Variants in GLP2R observed in about 807,000 individuals in gnomAD.
GLP2R encodes glucagon-like peptide 2 receptor.
Under a neutral mutation model 68.2 loss-of-function variants are expected in GLP2R, and 59 were observed. That is an observed-to-expected ratio of 0.87 (90% CI 0.70 to 1.07). The LOEUF is 1.07. Among genes scored for constraint, GLP2R ranks in the 50% least tolerant of loss-of-function variants. GLP2R has a pLI of 0.00. For synonymous variants in GLP2R, 270 were observed against 265.4 expected (o/e 1.02, Z -0.17); for missense variants, 548 against 677.4 (o/e 0.81, Z 2.12).
At chr17:9,839,395 C>T (rs1353156393) in intron 3 of GLP2R, among the ~76,000 whole-genome samples, 2 of 151,998 alleles carry the variant, frequency 1.3e-5, no homozygotes, top group East Asian at 3.9e-4. Flanking sequence ...ACAAACTCCT[C>T]TTCCTTCTCC....
At chr17:9,842,434 C>A in intron 3 of GLP2R, 61 bp from the exon 4 acceptor site, 1 of 1,608,508 alleles carries the variant, frequency 6.2e-7, no homozygotes, top group Non-Finnish European at 8.5e-7. Flanking sequence ...AGCTCTGTGG[C>A]ATGCTCAGGG....
At position 9,860,085 on chromosome 17, in the gene GLP2R, C is replaced by T. The variant is rs1398084794; in HGVS notation, c.909C>T (p.Tyr303=). 1.2e-6 allele frequency: 2 copies of T among 1,607,278 alleles called. No homozygotes were observed. The highest frequency in any genetic ancestry group is 3.4e-5 in the Admixed American group (2 of 58,904). Residue 303 remains tyrosine, a synonymous_variant, in exon 7 of 13, where the codon TAC becomes TAT. Coordinates refer to ENST00000262441, the MANE Select transcript of GLP2R (RefSeq NM_004246.3). ...CTGAGAGGCGGCTGTGGCCCAGATA[C>T]CTGCTGTTGGGTTGGGGTGAGTGAC... ...VLPERRLWPR[Y]LLLGWAFPVL... is the part of the protein sequence containing the mutation.
intron 3 of GLP2R, among the ~76,000 whole-genome samples, chr17:9,840,661 G>A (rs951179895): frequency 6.6e-6 from 1 of 152,228 alleles, no homozygotes; most frequent in African/African-American, 2.4e-5. Context: ...ATGGGGAAGG[G>A]AAGGGATGGG....
At position 9,889,841 on chromosome 17, in the gene GLP2R, T is replaced by C. The variant is rs1298303212; in HGVS notation, c.*136T>C. The C allele has an allele frequency of 1.6e-5, 10 of 633,030 alleles. No homozygotes were observed. Among genetic ancestry groups the C allele is most frequent in the Non-Finnish European group, 2.8e-5 (10 of 361,782 alleles). 39.2% of individuals were successfully genotyped at this position (633,030 alleles called of 1,614,324 possible). The stretch of plus-strand genomic sequence containing the variant: ...CACCATGCCACTTTGATATGAAAGC[T>C]ATCACAAGGTTCTTCAAGCTCTGTA... On this transcript the variant is annotated 3_prime_UTR_variant, in exon 13 of 13. Transcript: ENST00000262441.
rs1416925480 is a variant in GLP2R, at chr17:9,842,489, T to A, written c.383-6T>A. On this transcript the variant is annotated splice_region_variant and splice_polypyrimidine_tract_variant and intron_variant, in intron 3 of 12. Transcript: ENST00000262441. ...ACCTTTCCTCCAGAGCTTTGTTTACTTTCAGAGAGCTCAGGAAGGGCCTAC... is the reference window on the plus strand; with the variant it reads ...ACCTTTCCTCCAGAGCTTTGTTTACATTCAGAGAGCTCAGGAAGGGCCTAC... The A allele has an allele frequency of 6.2e-7, 1 of 1,614,130 alleles. No individual in the cohort carries two copies. The highest frequency in any genetic ancestry group is 1.3e-5 in the African/African-American group (1 of 75,050).
Position 9,880,464 on chromosome 17 carries a change from G to C in GLP2R, c.1232G>C (p.Gly411Ala), listed in dbSNP as rs747014461. The C allele has an allele frequency of 5.6e-6, 9 of 1,605,078 alleles. No individual in the cohort carries two copies. The highest frequency in any genetic ancestry group is 6.8e-6 in the Non-Finnish European group (8 of 1,173,720). Reference protein sequence around the residue: ...FSFITDDQVEGFAKLIRLFIQ... With the variant: ...FSFITDDQVEAFAKLIRLFIQ... ...TTCATCACTGATGATCAAGTTGAAG[G>C]ATTTGCAAAACTTATACGACTTTTC... is the stretch of plus-strand genomic sequence containing the variant. The change falls in exon 11 of 13, where the codon GGA (glycine) becomes GCA (alanine). Residue 411 changes from glycine to alanine, a missense_variant. Transcript: ENST00000262441.
intron 9 of GLP2R, chr17:9,866,756 A>G (rs1418086392): frequency 6.6e-6 from 1 of 152,208 alleles, no homozygotes; most frequent in Admixed American, 6.5e-5. Context: ...TCTGAGACTC[A>G]TCAGACTATG....
At chr17:9,887,833 A>G in intron 11 of GLP2R, 99 bp from the exon 12 acceptor site, 2 of 831,878 alleles carry the variant, frequency 2.4e-6, no homozygotes, top group Non-Finnish European at 2.1e-6. Flanking sequence ...TCTTCTGGAG[A>G]CTCCTTACGA....
At chr17:9,861,230 C>A in intron 8 of GLP2R, 31 bp downstream of exon 8, 1 of 1,458,668 alleles carries the variant, frequency 6.9e-7, no homozygotes, top group South Asian at 1.2e-5. Flanking sequence ...TATTCTTTCA[C>A]GAGCCGGTAA....
chr17:9,863,411 A>G (rs1373447046), intron 9 of GLP2R, among the ~76,000 whole-genome samples: 2 of 152,216 alleles, frequency 1.3e-5, no homozygotes, highest in East Asian at 3.8e-4. Context: ...GAGATGAGAA[A>G]TTACTTGCCT....
chr17:9,884,609 T>C (rs566171388), intron 11 of GLP2R, among the ~76,000 whole-genome samples: 1 of 152,096 alleles, frequency 6.6e-6, no homozygotes, highest in East Asian at 1.9e-4. Context: ...GCAGAGAAAA[T>C]GTGTCCGCCC....
chr17:9,832,400 C>G (rs2066688702), intron 1 of GLP2R, among the ~76,000 whole-genome samples: 1 of 152,130 alleles, frequency 6.6e-6, no homozygotes, highest in African/African-American at 2.4e-5. Flanking sequence ...TGGTGAAACC[C>G]TGTCTCTACT....
At chr17:9,873,411 G>A (rs2067113679) in intron 10 of GLP2R, among the ~76,000 whole-genome samples, 1 of 152,114 alleles carries the variant, frequency 6.6e-6, no homozygotes, top group Non-Finnish European at 1.5e-5. Context: ...CTGGCCAGAA[G>A]TGCAGCCTTG....
chr17:9,873,556 CTTTTT>C (rs3073988), intron 10 of GLP2R, among the ~76,000 whole-genome samples: 15 of 52,058 alleles, frequency 2.9e-4, no homozygotes, highest in African/African-American at 9.5e-4. Flanking sequence ...TATGCATGGA[CTTTTT>C]TTTTTTTTTT....
At chr17:9,889,225 G>T (rs2067268903) in intron 12 of GLP2R, 145 bp from the exon 13 acceptor site, 2 of 612,054 alleles carry the variant, frequency 3.3e-6, no homozygotes. Context: ...ACATGTTTAT[G>T]TATCTTTGTT....
intron 1 of GLP2R, among the ~76,000 whole-genome samples, chr17:9,832,259 G>A (rs57677751): frequency 0.11 from 16,748 of 151,928 alleles, 1,036 homozygotes; most frequent in East Asian, 0.26. Context: ...GAAATGTAGC[G>A]AAATCCTGTC....
rs2066992675 is a variant in GLP2R at position 9,862,104 on chromosome 17, C to T, written c.1056+14C>T. 4 of 1,592,936 alleles carry T rather than the reference C, an allele frequency of 2.5e-6. No homozygotes were observed. The highest frequency in any genetic ancestry group is 3.4e-6 in the Non-Finnish European group (4 of 1,160,912). On this transcript the variant is annotated intron_variant, in intron 9 of 12. Transcript: ENST00000262441. ...CTCTGTGTAACAGTAAGGACCATCC[C>T]ATCCACCTCTTTGTCTCGGAGCCTA...
rs367777082 is a variant in GLP2R, at chr17:9,842,592, C to T, written c.480C>T (p.Ser160=). The T allele has an allele frequency of 3.7e-5, 60 of 1,613,954 alleles. No individual in the cohort carries two copies. The highest frequency in any genetic ancestry group is 2.7e-4 in the South Asian group (25 of 91,070). The change falls in exon 4 of 13, where the codon TCC becomes TCT. Residue 160 remains serine (S), a synonymous_variant. Transcript: ENST00000262441. ...TTTGGCAGGATGACTCCGAATGCTCCGAGAACCACAGCTTCAAGCAAAACG... is the reference window on the plus strand; with the variant it reads ...TTTGGCAGGATGACTCCGAATGCTCTGAGAACCACAGCTTCAAGCAAAACG... ...TDIWQDDSEC[S]ENHSFKQNVD...
intron 5 of GLP2R, 128 bp from the exon 6 acceptor site, chr17:9,857,295 G>A: frequency 2.6e-6 from 2 of 762,610 alleles, no homozygotes; most frequent in Non-Finnish European, 4.3e-6. Context: ...TAATCCAGCA[G>A]TCCAGCTCTG....
Sources: gnomAD v4.1 joint callset for allele counts (sites outside exome capture counted in the v4.1 genomes callset) on GRCh38, gnomAD v4.1.1 for gene constraint, MANE v1.5 for transcripts, NCBI Gene and HGNC (gene_info 2026-07-23, HGNC 2026-07-21) for gene names.